GALNT13: variants seen among roughly 807,000 people sequenced by gnomAD.
The protein encoded by GALNT13 is UDP-GalNAc:polypeptide N-acetylgalactosaminyltransferase 13.
Under a neutral mutation model 64.2 loss-of-function variants are expected in GALNT13, and 28 were observed. That is an observed-to-expected ratio of 0.44 (90% CI 0.32 to 0.60). The LOEUF (loss-of-function observed/expected upper bound fraction) is 0.60, where lower values mean the gene tolerates loss of function less well. Ranked by LOEUF, GALNT13 falls within the 20% of genes least tolerant of loss-of-function variation. The pLI, the probability that GALNT13 is intolerant of heterozygous loss-of-function variation, is 0.05. For synonymous variants in GALNT13, 214 were observed against 224.6 expected, an observed-to-expected ratio of 0.95 and a Z score of 0.42; for missense variants, 577 against 669.8, an observed-to-expected ratio of 0.86 and a Z score of 1.53.
chr2:153,214,815 C>G, the GALNT13 span, among the ~76,000 whole-genome samples: 1 of 152,050 alleles, frequency 6.6e-6, no homozygotes, highest in African/African-American at 2.4e-5. Flanking sequence ...AAATAAGTCA[C>G]TAGGAAAACT....
At chr2:153,409,376 G>GTGTA in the GALNT13 span, among the ~76,000 whole-genome samples, 19 of 121,786 alleles carry the variant, frequency 1.6e-4, no homozygotes, top group African/African-American at 5.0e-4. Flanking sequence ...TCATATGTGT[G>GTGTA]TATATATATA....
At chr2:153,811,140 G>C in the GALNT13 span, among the ~76,000 whole-genome samples, 1 of 152,096 alleles carries the variant, frequency 6.6e-6, no homozygotes. Context: ...TTTAAAGACA[G>C]GGAAACGGAG....
chr2:153,585,162 T>C, the GALNT13 span, among the ~76,000 whole-genome samples: 10,536 of 152,166 alleles, frequency 0.069, 594 homozygotes, highest in African/African-American at 0.15. Flanking sequence ...TGAAAACCAA[T>C]ACAAAGAACT....
chr2:154,431,441 GAAA>G (rs148847755), intron 11 of GALNT13, among the ~76,000 whole-genome samples: 1 of 151,632 alleles, frequency 6.6e-6, no homozygotes, highest in Admixed American at 6.6e-5. Context: ...ATACAACTGG[GAAA>G]AAAAATGTGG....
chr2:153,658,933 G>A, the GALNT13 span, among the ~76,000 whole-genome samples: 4 of 151,996 alleles, frequency 2.6e-5, no homozygotes, highest in African/African-American at 9.6e-5. Context: ...GCCTTCTAAT[G>A]TACATATATT....
At chr2:154,169,027 A>AAGAG (rs920749368) in intron 4 of GALNT13, among the ~76,000 whole-genome samples, 4 of 151,938 alleles carry the variant, frequency 2.6e-5, no homozygotes, top group South Asian at 4.1e-4. Flanking sequence ...CAGAAAAGAC[A>AAGAG]AGAGAGAGAG....
the GALNT13 span, among the ~76,000 whole-genome samples, chr2:153,294,725 G>T: frequency 6.6e-6 from 1 of 152,160 alleles, no homozygotes. Flanking sequence ...TGAAATGTAA[G>T]AAATAGAAAA....
the GALNT13 span, among the ~76,000 whole-genome samples, chr2:153,461,900 G>A: frequency 6.6e-6 from 1 of 152,106 alleles, no homozygotes; most frequent in South Asian, 2.1e-4. Flanking sequence ...GGGTGAGATG[G>A]AGGGGAAGAA....
At chr2:154,157,001 A>G (rs1684462700) in intron 4 of GALNT13, among the ~76,000 whole-genome samples, 1 of 151,948 alleles carries the variant, frequency 6.6e-6, no homozygotes, top group Non-Finnish European at 1.5e-5. Context: ...TTAAATCACT[A>G]CTCTGAGGCA....
At chr2:153,572,761 T>C in the GALNT13 span, among the ~76,000 whole-genome samples, 1 of 152,026 alleles carries the variant, frequency 6.6e-6, no homozygotes, top group Non-Finnish European at 1.5e-5. Flanking sequence ...CCAAAATTCC[T>C]CCTGTTATTA....
the GALNT13 span, among the ~76,000 whole-genome samples, chr2:153,080,314 A>G: frequency 3.3e-5 from 5 of 152,060 alleles, no homozygotes; most frequent in African/African-American, 9.7e-5. Context: ...AAATGTATTT[A>G]TGCTATAAAT....
At chr2:153,638,705 C>G in the GALNT13 span, among the ~76,000 whole-genome samples, 18 of 152,126 alleles carry the variant, frequency 1.2e-4, no homozygotes, top group African/African-American at 3.9e-4. Context: ...TATATGGCCA[C>G]TGTCACAGGT....
At chr2:153,875,066 G>A (rs1173338702) in intron 1 of GALNT13, among the ~76,000 whole-genome samples, 2 of 151,660 alleles carry the variant, frequency 1.3e-5, no homozygotes, top group African/African-American at 2.4e-5. Flanking sequence ...TGATCTGTAA[G>A]CTGGATCACT....
In GALNT13 at chr2:154,237,518, T is replaced by TTATATATATATATA. The variant is rs10624007; in HGVS notation, c.312-4506_312-4493dup. On this transcript the variant is annotated intron_variant, in intron 4 of 12. Transcript: ENST00000392825. ...CAGTGAGTTAAAAACTCTGCCAGCTTTATATATATATATATATATGTAATA... is the reference window on the plus strand; with the variant it reads ...CAGTGAGTTAAAAACTCTGCCAGCTTTATATATATATATATATATATATATATATATATGTAATA... 3.3e-3 allele frequency among the ~76,000 whole-genome samples: 477 copies of TTATATATATATATA among 142,736 alleles called. 2 individuals are homozygous for TTATATATATATATA. The highest frequency in any genetic ancestry group is 7.3e-3 in the Middle Eastern group (2 of 274). The allele number at this position is 142,736 out of a possible 152,430, so 93.6% of individuals were successfully genotyped here. A position where few individuals can be genotyped will look rare whatever the true frequency, so the allele number is the denominator to read the frequency against.
chr2:153,903,232 A>G (rs765908638), intron 2 of GALNT13, among the ~76,000 whole-genome samples: 1 of 152,040 alleles, frequency 6.6e-6, no homozygotes, highest in Non-Finnish European at 1.5e-5. Flanking sequence ...CTTAAAAATG[A>G]AACAAGGATA....
chr2:153,409,372 G>A, the GALNT13 span, among the ~76,000 whole-genome samples: 1 of 148,092 alleles, frequency 6.8e-6, no homozygotes, highest in Non-Finnish European at 1.5e-5. Context: ...ATATTCATAT[G>A]TGTGTATATA....
chr2:153,429,638 A>C, the GALNT13 span, among the ~76,000 whole-genome samples: 1 of 152,160 alleles, frequency 6.6e-6, no homozygotes, highest in Non-Finnish European at 1.5e-5. Flanking sequence ...AAAATTCCAG[A>C]GCAAAATTAA....
the GALNT13 span, among the ~76,000 whole-genome samples, chr2:153,552,201 T>C: frequency 3.9e-5 from 6 of 152,116 alleles, no homozygotes; most frequent in Admixed American, 6.6e-5. Flanking sequence ...CCTGTTTAAA[T>C]AGATCGAGGA....
chr2:153,996,168 T>G (rs1695509319), intron 3 of GALNT13, among the ~76,000 whole-genome samples: 1 of 152,184 alleles, frequency 6.6e-6, no homozygotes, highest in Admixed American at 6.5e-5. Context: ...GCATACTGAT[T>G]TCATTTTCTT....
Sources: gnomAD v4.1 joint callset for allele counts (sites outside exome capture counted in the v4.1 genomes callset) on GRCh38, gnomAD v4.1.1 for gene constraint, MANE v1.5 for transcripts, NCBI Gene and HGNC (gene_info 2026-07-23, HGNC 2026-07-21) for gene names.